Variants in PKHD1 observed in about 807,000 individuals in gnomAD.
PKHD1 encodes the protein PKHD1 ciliary IPT domain containing fibrocystin/polyductin, also known as fibrocystin.
Under a neutral mutation model 412.0 loss-of-function variants are expected in PKHD1, and 291 were observed. The observed-to-expected ratio is 0.71, with a 90% CI of 0.64 to 0.78. PKHD1 has a LOEUF of 0.78. PKHD1 is among the 30% of genes least tolerant of loss of function. The pLI is 0.00. For synonymous variants in PKHD1, 1,777 were observed against 1,821.5 expected (o/e 0.98, Z 0.62); for missense variants, 4,825 against 4,950.7 (o/e 0.97, Z 0.76).
Position 51,903,789 on chromosome 6 carries a change from C to G in PKHD1, c.6866-62G>C, listed in dbSNP as rs1474764080. 10 of 1,313,168 alleles carry G rather than the reference C, an allele frequency of 7.6e-6. No individual in the cohort carries two copies. The East Asian group carries it at 2.1e-4, about 28-fold the overall frequency. The allele number at this position is 1,313,168 out of a possible 1,614,324, so 81.3% of individuals were successfully genotyped here. A position where few individuals can be genotyped will look rare whatever the true frequency, so the allele number is the denominator to read the frequency against. ...AATTAAAATGTACTCAACTCAACAC[C>G]CTTGATTCTACTAATACACATCAGA... On this transcript the variant is annotated intron_variant, in intron 42 of 66. Coordinates refer to ENST00000371117, the MANE Select transcript of PKHD1 (RefSeq NM_138694.4).
At chr6:51,724,210 C>G (rs1260943021) in intron 60 of PKHD1, among the ~76,000 whole-genome samples, 2 of 152,082 alleles carry the variant, frequency 1.3e-5, no homozygotes, top group African/African-American at 4.8e-5. Context: ...TACTTTCTCC[C>G]CTCACCTTCT....
At chr6:51,870,134 T>A (rs1357864446) in intron 47 of PKHD1, among the ~76,000 whole-genome samples, 1 of 152,212 alleles carries the variant, frequency 6.6e-6, no homozygotes, top group East Asian at 1.9e-4. Context: ...TATCTACCCA[T>A]CTAACTCCAT....
chr6:51,862,777 G>T (rs1261014831), intron 48 of PKHD1, among the ~76,000 whole-genome samples: 1 of 152,162 alleles, frequency 6.6e-6, no homozygotes, highest in Non-Finnish European at 1.5e-5. Context: ...GAAACAGAAG[G>T]TACTGGGGCA....
At chr6:51,805,879 A>G (rs1363021037) in intron 52 of PKHD1, among the ~76,000 whole-genome samples, 2 of 152,170 alleles carry the variant, frequency 1.3e-5, no homozygotes, top group Admixed American at 1.3e-4. Flanking sequence ...TTCTTAATCC[A>G]GTCTATCATT....
At chr6:51,640,266 G>A (rs569913932) in intron 63 of PKHD1, among the ~76,000 whole-genome samples, 14 of 152,282 alleles carry the variant, frequency 9.2e-5, no homozygotes, top group African/African-American at 3.4e-4. Context: ...TGTCCGTAGA[G>A]CACAGTGAGT....
chr6:51,787,731 A>G (rs1793113494), intron 53 of PKHD1, among the ~76,000 whole-genome samples: 1 of 152,204 alleles, frequency 6.6e-6, no homozygotes, highest in Admixed American at 6.5e-5. Flanking sequence ...ATGAGACCTG[A>G]AATATATAAA....
intron 52 of PKHD1, among the ~76,000 whole-genome samples, chr6:51,829,249 T>C (rs1303755163): frequency 1.3e-5 from 2 of 151,882 alleles, no homozygotes; most frequent in Non-Finnish European, 2.9e-5. Context: ...GAGCTGACCA[T>C]AGACAAAGGA....
intron 37 of PKHD1, among the ~76,000 whole-genome samples, chr6:51,919,328 A>G (rs377740546): frequency 1.3e-5 from 2 of 152,154 alleles, no homozygotes; most frequent in South Asian, 2.1e-4. Flanking sequence ...AAGGGATCCA[A>G]TTTCAGCTTT....
chr6:51,955,843 TTATC>T (rs1217013435), intron 36 of PKHD1, among the ~76,000 whole-genome samples: 9 of 152,108 alleles, frequency 5.9e-5, no homozygotes, highest in African/African-American at 2.2e-4. Context: ...TTCTCAGGCT[TTATC>T]TAAGCCTGCA....
chr6:51,902,653 T>C (rs1781463003), intron 43 of PKHD1, among the ~76,000 whole-genome samples: 1 of 151,912 alleles, frequency 6.6e-6, no homozygotes, highest in South Asian at 2.1e-4. Flanking sequence ...CTGAGAGGAG[T>C]TTCCTGAAAC....
At chr6:51,837,714 C>T (rs74751282) in intron 50 of PKHD1, among the ~76,000 whole-genome samples, 8,206 of 151,968 alleles carry the variant, frequency 0.054, 233 homozygotes, top group South Asian at 0.075. Flanking sequence ...CTTGAAAAAA[C>T]TAAAAAATGA....
chr6:51,909,006 T>C (rs1583316435), intron 40 of PKHD1, among the ~76,000 whole-genome samples: 1 of 152,262 alleles, frequency 6.6e-6, no homozygotes, highest in Non-Finnish European at 1.5e-5. Context: ...GGACTGCCTG[T>C]TCCAGAATCA....
intron 56 of PKHD1, among the ~76,000 whole-genome samples, chr6:51,753,853 C>G (rs1042175299): frequency 6.6e-6 from 1 of 152,190 alleles, no homozygotes; most frequent in Non-Finnish European, 1.5e-5. Context: ...GGTGGATCTT[C>G]CACTCATCAC....
chr6:51,843,054 C>T (rs558330493), intron 50 of PKHD1, among the ~76,000 whole-genome samples: 1 of 152,182 alleles, frequency 6.6e-6, no homozygotes, highest in African/African-American at 2.4e-5. Context: ...TTTTGATATG[C>T]TACATGCTCA....
intron 35 of PKHD1, among the ~76,000 whole-genome samples, chr6:52,004,399 T>C (rs942109285): frequency 6.6e-6 from 1 of 152,256 alleles, no homozygotes; most frequent in African/African-American, 2.4e-5. Flanking sequence ...GCATCTTTGT[T>C]TTCCTTTAAA....
Position 52,048,115 on chromosome 6 carries a change from A to T in PKHD1, c.2407+377T>A, listed in dbSNP as rs569788293. On this transcript the variant is annotated intron_variant, in intron 23 of 66. Coordinates refer to ENST00000371117, the MANE Select transcript of PKHD1 (RefSeq NM_138694.4). ...CAGAAGCCAGAAGAGGCAGGAGCAAATACTTCACAGGAGTGTGGCCCTGCC... is the reference window on the plus strand; with the variant it reads ...CAGAAGCCAGAAGAGGCAGGAGCAATTACTTCACAGGAGTGTGGCCCTGCC... 1.3e-5 allele frequency among the ~76,000 whole-genome samples: 2 copies of T among 152,330 alleles called. 1 individual carries two copies. The highest frequency in any genetic ancestry group is 4.1e-4 in the South Asian group (2 of 4,828).
chr6:51,689,121 C>T (rs2150612254), intron 60 of PKHD1, among the ~76,000 whole-genome samples: 2 of 152,254 alleles, frequency 1.3e-5, no homozygotes, highest in South Asian at 4.1e-4. Flanking sequence ...AAACCAAAAC[C>T]AGCAGCACAT....
chr6:51,965,373 T>A (rs1024576619), intron 35 of PKHD1, among the ~76,000 whole-genome samples: 3 of 152,086 alleles, frequency 2.0e-5, no homozygotes, highest in Non-Finnish European at 4.4e-5. Flanking sequence ...ACACAACAGA[T>A]GACACAGGCT....
Position 51,906,631 on chromosome 6 carries a change from A to T in PKHD1, c.6683-291T>A, listed in dbSNP as rs114954966. 0.011 allele frequency among the ~76,000 whole-genome samples: 1,609 copies of T among 152,288 alleles called. 30 individuals carry two copies. Among genetic ancestry groups the T allele is most frequent in the African/African-American group, 0.037 (1,545 of 41,556 alleles). The stretch of plus-strand genomic sequence containing the variant: ...GAACTCATGGCTGTCAAGATTTCCA[A>T]CTGGCTATCATCTTTAGTATCAGCT... On this transcript the variant is annotated intron_variant, in intron 40 of 66. Coordinates refer to ENST00000371117, the MANE Select transcript of PKHD1 (RefSeq NM_138694.4).
Sources: gnomAD v4.1 joint callset for allele counts (sites outside exome capture counted in the v4.1 genomes callset) on GRCh38, gnomAD v4.1.1 for gene constraint, MANE v1.5 for transcripts, NCBI Gene and HGNC (gene_info 2026-07-23, HGNC 2026-07-21) for gene names.